The following SLC30A6 variants were observed in gnomAD, a reference collection of about 807,000 sequenced individuals.
SLC30A6 encodes zinc transporter 6.
SLC30A6 carries 55 observed loss-of-function variants against 63.0 expected under a neutral mutation model. The ratio of observed to expected loss-of-function variants is 0.87; its 90% CI spans 0.70 to 1.09. SLC30A6 has a LOEUF of 1.09. SLC30A6 is among the 50% of genes least tolerant of loss of function. SLC30A6 has a pLI of 0.00. For synonymous variants in SLC30A6, 224 were observed against 186.1 expected, an observed-to-expected ratio of 1.20 and a Z score of -1.66; for missense variants, 587 against 549.2, an observed-to-expected ratio of 1.07 and a Z score of -0.69.
chr2:32,183,406 C>T (rs116362351), intron 4 of SLC30A6, among the ~76,000 whole-genome samples: 1,563 of 151,996 alleles, frequency 0.01, 18 homozygotes, highest in Middle Eastern at 0.055. Context: ...TTCGGCCAGG[C>T]GCGGTGGCTC....
At chr2:32,209,458 A>T (rs773229848) in intron 12 of SLC30A6, 35 bp from the exon 13 acceptor site, 109 of 1,553,866 alleles carry the variant, frequency 7.0e-5, no homozygotes, top group Non-Finnish European at 9.5e-5. Context: ...TGTTAAGTAC[A>T]GACAACTCTG....
chr2:32,167,347 T>TTG (rs141806861), intron 1 of SLC30A6, among the ~76,000 whole-genome samples: 41,957 of 150,564 alleles, frequency 0.28, 7,142 homozygotes, highest in Non-Finnish European at 0.36. Context: ...AGTGCTGGGA[T>TTG]TACAGGCGTG....
intron 10 of SLC30A6, chr2:32,202,024 A>T (rs1043410081): frequency 3.3e-6 from 2 of 607,260 alleles, no homozygotes; most frequent in African/African-American, 4.9e-5. Context: ...GATGAATATG[A>T]AAAAAAAAAA....
At chr2:32,201,523 C>T (rs1684293287) in intron 10 of SLC30A6, 2 of 671,720 alleles carry the variant, frequency 3.0e-6, no homozygotes, top group Non-Finnish European at 4.8e-6. Flanking sequence ...CTGCCCTGCC[C>T]CTGTTTCCTT....
chr2:32,174,310 T>A (rs1681511089), intron 3 of SLC30A6, among the ~76,000 whole-genome samples, 163 bp downstream of exon 3: 1 of 152,098 alleles, frequency 6.6e-6, no homozygotes, highest in Non-Finnish European at 1.5e-5. Context: ...ACTGTAAACT[T>A]TTGTTCATTT....
intron 13 of SLC30A6, among the ~76,000 whole-genome samples, chr2:32,219,624 CTG>C (rs545353754): frequency 5.8e-4 from 88 of 150,754 alleles, no homozygotes; most frequent in African/African-American, 2.1e-3. Context: ...TTAGTGGAGA[CTG>C]GGTTTCACCA....
At chr2:32,175,174 A>G in intron 3 of SLC30A6, 145 bp from the exon 4 acceptor site, 1 of 664,634 alleles carries the variant, frequency 1.5e-6, no homozygotes, top group South Asian at 1.8e-5. Context: ...CAGATTTACT[A>G]GATAACTGCC....
At chr2:32,197,037 G>A (rs921013850) in intron 8 of SLC30A6, among the ~76,000 whole-genome samples, 12 of 152,160 alleles carry the variant, frequency 7.9e-5, no homozygotes, top group African/African-American at 2.4e-4. Flanking sequence ...TCCAGCCTGG[G>A]CAGAAAGAGC....
At chr2:32,176,289 G>A (rs1346178937) in intron 4 of SLC30A6, among the ~76,000 whole-genome samples, 1 of 152,092 alleles carries the variant, frequency 6.6e-6, no homozygotes, top group African/African-American at 2.4e-5. Flanking sequence ...CTGTCACGTT[G>A]GGAAAGCTTA....
intron 5 of SLC30A6, among the ~76,000 whole-genome samples, chr2:32,191,349 A>G (rs1432217115): frequency 6.6e-6 from 1 of 152,080 alleles, no homozygotes; most frequent in African/African-American, 2.4e-5. Flanking sequence ...ATAATGTTCT[A>G]TTGTTGATTC....
At chr2:32,183,920 CAT>C (rs1274865351) in intron 4 of SLC30A6, among the ~76,000 whole-genome samples, 2 of 152,192 alleles carry the variant, frequency 1.3e-5, no homozygotes, top group East Asian at 3.9e-4. Flanking sequence ...TAAAATTGAT[CAT>C]ATGTGTCATT....
intron 5 of SLC30A6, among the ~76,000 whole-genome samples, chr2:32,190,093 C>T (rs1414487788): frequency 6.6e-6 from 1 of 152,032 alleles, no homozygotes; most frequent in Non-Finnish European, 1.5e-5. Flanking sequence ...TGTAACAGTT[C>T]TTTATATATA....
intron 5 of SLC30A6, chr2:32,187,153 C>A (rs771154463): frequency 6.6e-5 from 31 of 470,658 alleles, no homozygotes; most frequent in Non-Finnish European, 1.2e-4. Context: ...GCCTCCCAGG[C>A]CTGCTTTTCT....
At chr2:32,167,974 A>G (rs1284154859) in intron 1 of SLC30A6, among the ~76,000 whole-genome samples, 3 of 152,186 alleles carry the variant, frequency 2.0e-5, no homozygotes, top group South Asian at 2.1e-4. Flanking sequence ...AGCAGGACCT[A>G]TGTATTTCAC....
intron 13 of SLC30A6, among the ~76,000 whole-genome samples, chr2:32,218,011 T>A (rs530065951): frequency 3.9e-5 from 6 of 152,082 alleles, no homozygotes; most frequent in African/African-American, 1.4e-4. Context: ...GCCCAGCTAA[T>A]TTTTTTTATT....
At chr2:32,204,013 A>AGT (rs1684524295) in intron 10 of SLC30A6, 15 of 683,504 alleles carry the variant, frequency 2.2e-5, no homozygotes, top group Non-Finnish European at 3.6e-5. Context: ...TTTGATAGTT[A>AGT]ATCTACCAGT....
Position 32,192,529 on chromosome 2 carries a change from C to G in SLC30A6, c.365+113C>G, listed in dbSNP as rs562136020. ...GGTATGAAAACTTAGATGAGCAGGG[C>G]TGGAGTTTTGATAGTACACTTTCTT... On this transcript the variant is annotated intron_variant, in intron 6 of 13. Transcript: ENST00000282587. 68 of 842,322 alleles carry G rather than the reference C, an allele frequency of 8.1e-5. 1 individual carries two copies. In the South Asian group the frequency reaches 1.1e-3, roughly 14 times the overall value. 52.2% of individuals were successfully genotyped at this position (842,322 alleles called of 1,614,324 possible). A position where few individuals can be genotyped will look rare whatever the true frequency, so the allele number is the denominator to read the frequency against.
chr2:32,216,534 AAAATAAATAAAT>A (rs199888607), intron 13 of SLC30A6, among the ~76,000 whole-genome samples: 8,460 of 133,024 alleles, frequency 0.064, 303 homozygotes, highest in African/African-American at 0.12. Flanking sequence ...AGACTCTCTC[AAAATAAATAAAT>A]AAATAAATAA....
chr2:32,166,310 A>G (rs553691500), intron 1 of SLC30A6, among the ~76,000 whole-genome samples: 1 of 152,390 alleles, frequency 6.6e-6, no homozygotes, highest in Non-Finnish European at 1.5e-5. Flanking sequence ...AGCGGAAAAA[A>G]AAAAAAAAGG....
Sources: allele counts gnomAD v4.1 joint callset (sites outside exome capture counted in the v4.1 genomes callset), GRCh38; gene constraint gnomAD v4.1.1; transcripts MANE v1.5; gene names NCBI Gene and HGNC (gene_info 2026-07-23, HGNC 2026-07-21).